PALD1: variants seen among roughly 807,000 people sequenced by gnomAD.
PALD1 encodes phosphatase domain containing paladin 1.
PALD1 carries 57 observed loss-of-function variants against 96.0 expected under a neutral mutation model. The observed-to-expected ratio is 0.59, with a 90% confidence interval of 0.48 to 0.74. PALD1 has a LOEUF of 0.74. Among genes scored for constraint, PALD1 ranks in the 30% least tolerant of loss-of-function variants. PALD1 has a pLI of 0.00. For missense variants in PALD1, 1,063 were observed against 1,143.7 expected (o/e 0.93, Z 1.02); for synonymous variants, 464 against 473.6 (o/e 0.98, Z 0.26).
At chr10:70,466,733 G>A in the PALD1 span, among the ~76,000 whole-genome samples, 2 of 152,192 alleles carry the variant, frequency 1.3e-5, no homozygotes, top group Admixed American at 6.5e-5. Flanking sequence ...TGAGAAGCGT[G>A]AGGGAAGTTG....
the PALD1 span, among the ~76,000 whole-genome samples, chr10:70,462,283 C>T: frequency 6.6e-6 from 1 of 152,236 alleles, no homozygotes; most frequent in Non-Finnish European, 1.5e-5. Flanking sequence ...TTTGGAGCCC[C>T]ATTCCTGGGT....
At chr10:70,484,693 T>G (rs568299148) in intron 1 of PALD1, among the ~76,000 whole-genome samples, 20 of 152,048 alleles carry the variant, frequency 1.3e-4, no homozygotes, top group Non-Finnish European at 2.9e-4. Context: ...TGTGTGCCAC[T>G]ATGCCTGGCT....
chr10:70,462,246 AC>A, the PALD1 span, among the ~76,000 whole-genome samples: 1 of 152,182 alleles, frequency 6.6e-6, no homozygotes, highest in African/African-American at 2.4e-5. Context: ...CAGTGGAGAG[AC>A]TGCTCCTGGA....
Position 70,506,926 on chromosome 10 carries a change from C to T in PALD1, c.-29-18997C>T, listed in dbSNP as rs1846402349. Reference sequence around the variant, plus strand: ...GGTGGTCAAAGGTCAGCGCCTTCCACCCAGCATTTTCTTTCAGGCAGTCAA... The same window carrying T: ...GGTGGTCAAAGGTCAGCGCCTTCCATCCAGCATTTTCTTTCAGGCAGTCAA... On this transcript the variant is annotated intron_variant, in intron 1 of 19. Coordinates refer to ENST00000263563, the MANE Select transcript of PALD1 (RefSeq NM_014431.3). Among the ~76,000 whole-genome samples, 3 of 152,116 alleles carry T rather than the reference C, an allele frequency of 2.0e-5. 1 individual carries two copies. In the South Asian group the frequency reaches 6.2e-4, roughly 32 times the overall value.
chr10:70,492,619 G>T (rs1846120770), intron 1 of PALD1, among the ~76,000 whole-genome samples: 1 of 151,742 alleles, frequency 6.6e-6, no homozygotes, highest in Non-Finnish European at 1.5e-5. Context: ...ACCACGCCTG[G>T]CTAATTTTTG....
intron 1 of PALD1, among the ~76,000 whole-genome samples, chr10:70,513,420 G>C (rs765008308): frequency 6.6e-6 from 1 of 152,174 alleles, no homozygotes; most frequent in Non-Finnish European, 1.5e-5. Flanking sequence ...GCTGAGGCAG[G>C]AATTGCTTGA....
chr10:70,536,398 C>T (rs576649231), intron 10 of PALD1, among the ~76,000 whole-genome samples: 1 of 152,344 alleles, frequency 6.6e-6, no homozygotes, highest in South Asian at 2.1e-4. Flanking sequence ...CTGTGATTTA[C>T]TAAACAGTCC....
At chr10:70,464,212 CT>C in the PALD1 span, among the ~76,000 whole-genome samples, 114 of 132,836 alleles carry the variant, frequency 8.6e-4, no homozygotes, top group African/African-American at 1.3e-3. Flanking sequence ...TTGTATCTGG[CT>C]TTTTTTTTTT....
chr10:70,481,316 A>G (rs1270635910), intron 1 of PALD1, among the ~76,000 whole-genome samples: 1 of 152,206 alleles, frequency 6.6e-6, no homozygotes, highest in Non-Finnish European at 1.5e-5. Context: ...CCTGGTTATC[A>G]CTGTTTCCCT....
Position 70,564,248 on chromosome 10 carries a change from C to G in PALD1, c.2263-116C>G, listed in dbSNP as rs1255911977. The G allele has an allele frequency of 9.0e-6, 10 of 1,114,344 alleles. No individual in the cohort carries two copies. In the East Asian group the frequency reaches 2.5e-4, roughly 28 times the overall value. The allele number at this position is 1,114,344 out of a possible 1,614,324, so 69.0% of individuals were successfully genotyped here. On this transcript the variant is annotated intron_variant, in intron 18 of 19. Coordinates refer to ENST00000263563, the MANE Select transcript of PALD1 (RefSeq NM_014431.3). ...CCTGTAACCCAGGTGGAAGCAACGC[C>G]CTCAGCTCTGAGGCTGGATCACCCT...
chr10:70,477,869 G>C (rs1010039421), upstream of PALD1, among the ~76,000 whole-genome samples: 11 of 151,730 alleles, frequency 7.2e-5, no homozygotes, highest in Non-Finnish European at 1.5e-4. Context: ...GCGAGAGGGA[G>C]GAAGTGACTC....
At chr10:70,538,197 C>T in intron 11 of PALD1, 83 bp from the exon 12 acceptor site, 1 of 1,457,750 alleles carries the variant, frequency 6.9e-7, no homozygotes, top group South Asian at 1.2e-5. Flanking sequence ...TCTTTTGGGG[C>T]TTCCCCTGCC....
rs746010656 is a variant in PALD1 at position 70,525,962 on chromosome 10, C to A, written c.11C>A (p.Thr4Lys). MGT[T>K]ASTAQQTVSA... ...GGCTGCTGGCAGACTATGGGTACAA[C>A]GGCCAGCACAGCCCAGCAGACGGTC... Residue 4 changes from threonine (T) to lysine (K), a missense_variant, in exon 2 of 20, where the codon ACG (threonine) becomes AAG (lysine). Transcript: ENST00000263563. 2 of 1,613,980 alleles carry A rather than the reference C, an allele frequency of 1.2e-6. No homozygotes were observed. Among genetic ancestry groups the A allele is most frequent in the African/African-American group, 2.7e-5 (2 of 74,912 alleles).
chr10:70,520,523 C>T (rs1846708715), intron 1 of PALD1, among the ~76,000 whole-genome samples: 1 of 152,174 alleles, frequency 6.6e-6, no homozygotes. Context: ...TGACAAAAGG[C>T]TCACCACTCT....
chr10:70,483,080 G>T (rs1211389947), intron 1 of PALD1, among the ~76,000 whole-genome samples: 1 of 152,084 alleles, frequency 6.6e-6, no homozygotes, highest in Non-Finnish European at 1.5e-5. Flanking sequence ...TGAGGTACAT[G>T]CAGACACCAT....
At chr10:70,525,081 A>G (rs1162791290) in intron 1 of PALD1, among the ~76,000 whole-genome samples, 1 of 151,974 alleles carries the variant, frequency 6.6e-6, no homozygotes, top group African/African-American at 2.4e-5. Flanking sequence ...TGTTCACTGC[A>G]ACCTTTACTT....
intron 2 of PALD1, 122 bp from the exon 3 acceptor site, chr10:70,529,107 T>C (rs760327676): frequency 3.2e-6 from 2 of 618,898 alleles, no homozygotes; most frequent in Non-Finnish European, 5.9e-6. Flanking sequence ...CAATGGGCAG[T>C]CTCTGCCACA....
At chr10:70,513,106 T>C (rs1303889637) in intron 1 of PALD1, among the ~76,000 whole-genome samples, 3 of 152,248 alleles carry the variant, frequency 2.0e-5, no homozygotes, top group African/African-American at 7.2e-5. Flanking sequence ...CATGGAGCAC[T>C]TCTCATAAGA....
At chr10:70,525,657 G>A (rs565487990) in intron 1 of PALD1, among the ~76,000 whole-genome samples, 22 of 152,102 alleles carry the variant, frequency 1.4e-4, no homozygotes, top group South Asian at 2.1e-4. Context: ...CAAGAGGAGT[G>A]TAAACTAAAG....
Sources: allele counts gnomAD v4.1 joint callset (sites outside exome capture counted in the v4.1 genomes callset), GRCh38; gene constraint gnomAD v4.1.1; transcripts MANE v1.5; gene names NCBI Gene and HGNC (gene_info 2026-07-23, HGNC 2026-07-21).